The following MTOR variants were observed in gnomAD, a reference collection of about 807,000 sequenced individuals.
The protein encoded by MTOR is mechanistic target of rapamycin kinase.
A neutral mutation model predicts 319.8 loss-of-function variants in MTOR; 70 were observed. The ratio of observed to expected loss-of-function variants is 0.22; its 90% confidence interval spans 0.18 to 0.27. The LOEUF (loss-of-function observed/expected upper bound fraction) is 0.27. MTOR is among the 10% of genes least tolerant of loss of function. The probability of loss-of-function intolerance (pLI) is 1.00; values close to 1 mark genes in which losing one functional copy is unlikely to be tolerated. For missense variants in MTOR, 1,890 were observed against 3,274.4 expected, an observed-to-expected ratio of 0.58 and a Z score of 10.32; for synonymous variants, 1,183 against 1,211.4, an observed-to-expected ratio of 0.98 and a Z score of 0.49.
Position 11,146,796 on chromosome 1 carries a change from A to G in MTOR, c.4571-5T>C. 6.3e-7 allele frequency: 1 copy of G among 1,596,274 alleles called. No individual in the cohort carries two copies. The highest frequency in any genetic ancestry group is 8.6e-7 in the Non-Finnish European group (1 of 1,164,174). On this transcript the variant is annotated splice_region_variant and splice_polypyrimidine_tract_variant and intron_variant, in intron 31 of 57. Transcript: ENST00000361445. ...CTTCCATGCTGTCCCACTGACCTATACACACACACATAGACAGAAAGCATC... is the reference window on the plus strand; with the variant it reads ...CTTCCATGCTGTCCCACTGACCTATGCACACACACATAGACAGAAAGCATC...
At position 11,115,279 on chromosome 1, in the gene MTOR, G is replaced by C; in HGVS notation, c.7089+117C>G. 2 of 934,160 alleles carry C rather than the reference G, an allele frequency of 2.1e-6. No homozygotes were observed. The highest frequency in any genetic ancestry group is 2.4e-5 in the East Asian group (1 of 41,424). 57.9% of individuals were successfully genotyped at this position (934,160 alleles called of 1,614,324 possible). On this transcript the variant is annotated intron_variant, in intron 51 of 57. Transcript: ENST00000361445. The surrounding 1 kb of genome is among the most constrained non-coding windows in gnomAD (Gnocchi z 4.5). ...GACTGACTTAACTACAGCCTTGGTA[G>C]GGCCAGCAGGGGTTAAGAGTAAGGC...
chr1:11,208,537 A>T (rs1210480587), intron 25 of MTOR, among the ~76,000 whole-genome samples: 1 of 152,268 alleles, frequency 6.6e-6, no homozygotes, highest in Non-Finnish European at 1.5e-5. Context: ...CTAATAGATG[A>T]AAAATAACAC....
chr1:11,204,839 A>G, intron 25 of MTOR, 136 bp from the exon 26 acceptor site: 2 of 1,013,744 alleles, frequency 2.0e-6, no homozygotes, highest in Non-Finnish European at 2.8e-6. Context: ...CTAGAGTACA[A>G]ATACAAAAGA....
chr1:11,261,554 T>C (rs1403221653), intron 1 of MTOR, among the ~76,000 whole-genome samples: 1 of 152,150 alleles, frequency 6.6e-6, no homozygotes, highest in Non-Finnish European at 1.5e-5. Context: ...GGGTGTAACA[T>C]ACACCTATCC....
At chr1:11,140,705 A>T (rs760537460) in intron 34 of MTOR, among the ~76,000 whole-genome samples, 1 of 152,218 alleles carries the variant, frequency 6.6e-6, no homozygotes, top group South Asian at 2.1e-4. Context: ...TTTCATAGGG[A>T]TACGGTGAGG....
At chr1:11,238,265 C>T (rs938667833) in intron 12 of MTOR, 137 bp downstream of exon 12, 22 of 993,524 alleles carry the variant, frequency 2.2e-5, no homozygotes, top group Non-Finnish European at 2.6e-5. Flanking sequence ...ATGCCTAACA[C>T]GCCTTGGCAG....
chr1:11,193,562 G>C, intron 28 of MTOR: 1 of 1,564,158 alleles, frequency 6.4e-7, no homozygotes, highest in Non-Finnish European at 8.7e-7. Flanking sequence ...CCTCACCAGA[G>C]TATCCCCTCT....
chr1:11,174,815 C>T (rs1644932600), intron 28 of MTOR, among the ~76,000 whole-genome samples: 1 of 152,166 alleles, frequency 6.6e-6, no homozygotes, highest in African/African-American at 2.4e-5. Context: ...TCAGTCTTTC[C>T]CTATTAATGC....
chr1:11,211,540 A>T (rs1646312454), intron 23 of MTOR, among the ~76,000 whole-genome samples: 2 of 152,078 alleles, frequency 1.3e-5, no homozygotes, highest in South Asian at 4.1e-4. Flanking sequence ...GCTAAGTTTT[A>T]AATTTTTTTG....
At chr1:11,255,889 G>C in intron 5 of MTOR, 103 bp downstream of exon 5, 1 of 999,358 alleles carries the variant, frequency 1.0e-6, no homozygotes, top group East Asian at 2.8e-5. Context: ...AAACCAAAAC[G>C]TGATTCTTGC....
chr1:11,202,096 A>G (rs1401849299), intron 26 of MTOR, among the ~76,000 whole-genome samples: 1 of 152,180 alleles, frequency 6.6e-6, no homozygotes, highest in Non-Finnish European at 1.5e-5. Flanking sequence ...AGGAGCCACA[A>G]TGCCCAGCCT....
At chr1:11,181,031 T>C (rs1332924575) in intron 28 of MTOR, among the ~76,000 whole-genome samples, 1 of 152,206 alleles carries the variant, frequency 6.6e-6, no homozygotes, top group Non-Finnish European at 1.5e-5. Context: ...CGTCTTGGCC[T>C]CCCAAAGTGC....
intron 47 of MTOR, among the ~76,000 whole-genome samples, chr1:11,122,444 G>T (rs1016359711): frequency 1.3e-5 from 2 of 149,422 alleles, no homozygotes; most frequent in Non-Finnish European, 3.0e-5. Flanking sequence ...CTCATGATCC[G>T]CCTGCCTCGG....
chr1:11,241,362 T>C (rs1036992486), intron 10 of MTOR, among the ~76,000 whole-genome samples, 191 bp downstream of exon 10: 1 of 144,390 alleles, frequency 6.9e-6, no homozygotes, highest in Admixed American at 6.9e-5. Context: ...GGAAATTAAA[T>C]AACTTAGTCA....
At chr1:11,249,510 A>G (rs1649314219) in intron 6 of MTOR, among the ~76,000 whole-genome samples, 1 of 149,222 alleles carries the variant, frequency 6.7e-6, no homozygotes, top group Non-Finnish European at 1.5e-5. Flanking sequence ...AGGGAAGGTC[A>G]GCAGATAAAC....
rs1407694327 is a variant in MTOR, at chr1:11,112,827, T to C, written c.7366+25A>G. ...CACTCTGCACAAGGGGGAGAGCCTTTGCGACCTCCCGTGGATGCACCTACC... is the reference window on the plus strand; with the variant it reads ...CACTCTGCACAAGGGGGAGAGCCTTCGCGACCTCCCGTGGATGCACCTACC... On this transcript the variant is annotated intron_variant, in intron 54 of 57. Transcript: ENST00000361445. 1.9e-6 allele frequency: 3 copies of C among 1,613,590 alleles called. No homozygotes were observed. The South Asian group carries it at 3.3e-5, about 18-fold the overall frequency.
chr1:11,243,191 C>T lies in MTOR; in HGVS notation c.1335G>A (p.Arg445=), dbSNP rs1023122505. ...GAGGCAAATAGACCTTAAACTCAGA[C>T]CTCACAGCCACAGAAAGTAGCCCCA... ...QALGLLSVAV[R]SEFKVYLPRV... The change falls in exon 9 of 58, where the codon AGG becomes AGA. Residue 445 remains arginine (R), a synonymous_variant. Transcript: ENST00000361445. The T allele has an allele frequency of 7.4e-6, 12 of 1,614,026 alleles. No individual in the cohort carries two copies. In the East Asian group the frequency reaches 8.9e-5, roughly 12 times the overall value.
intron 28 of MTOR, among the ~76,000 whole-genome samples, chr1:11,172,898 T>C (rs1056506500): frequency 6.7e-6 from 1 of 149,860 alleles, no homozygotes; most frequent in Non-Finnish European, 1.5e-5. Flanking sequence ...TTGACTAAAC[T>C]CATGAAAAAT....
At chr1:11,255,648 C>T (rs993200065) in intron 5 of MTOR, among the ~76,000 whole-genome samples, 3 of 152,008 alleles carry the variant, frequency 2.0e-5, no homozygotes, top group South Asian at 2.1e-4. Flanking sequence ...GTCAGGAATT[C>T]GAGACCAGCC....
Sources: gnomAD v4.1 joint callset for allele counts (sites outside exome capture counted in the v4.1 genomes callset) on GRCh38, gnomAD v4.1.1 for gene constraint, Gnocchi (gnomAD v3.1) non-coding constraint, MANE v1.5 for transcripts, NCBI Gene and HGNC (gene_info 2026-07-23, HGNC 2026-07-21) for gene names.